The following MNT variants were observed in gnomAD, a reference collection of about 807,000 sequenced individuals.
MNT encodes MAX network transcriptional repressor, also known as max-binding protein MNT.
In MNT, 13 loss-of-function variants were observed where a neutral mutation model predicts 40.7. That is an observed-to-expected ratio of 0.32 (90% CI 0.21 to 0.51). The LOEUF (loss-of-function observed/expected upper bound fraction) is 0.51, where lower values mean the gene tolerates loss of function less well. Among genes scored for constraint, MNT ranks in the 20% least tolerant of loss-of-function variants. The probability of loss-of-function intolerance (pLI) is 0.98; values close to 1 mark genes in which losing one functional copy is unlikely to be tolerated. For missense variants in MNT, 757 were observed against 792.0 expected (o/e 0.96, Z 0.53); for synonymous variants, 426 against 354.8 (o/e 1.20, Z -2.26).
In MNT at chr17:2,387,040, G is replaced by C. The variant is rs1397653719; in HGVS notation, c.1610C>G (p.Pro537Arg). 6.4e-7 allele frequency: 1 copy of C among 1,554,270 alleles called. No individual in the cohort carries two copies. Among genetic ancestry groups the C allele is most frequent in the Non-Finnish European group, 8.7e-7 (1 of 1,148,624 alleles). The change falls in exon 6 of 6, where the codon CCC (proline) becomes CGC (arginine). Residue 537 changes from proline (P) to arginine (R), a missense_variant. This residue lies in a region of MNT where 345 missense variants were observed against 380.1 expected (regional missense o/e 0.91). Coordinates refer to ENST00000174618, the MANE Select transcript of MNT (RefSeq NM_020310.3). The stretch of plus-strand genomic sequence containing the variant: ...CGGCTTTGCCATGACAGTAGCCGGG[G>C]GCCCCAGGCCGGCCGTGCCGTTGAC... ...QQVNGTAGLG[P>R]PATVMAKPAV...
At chr17:2,388,244 G>A in intron 4 of MNT, 195 bp from the exon 5 acceptor site, 1 of 566,614 alleles carries the variant, frequency 1.8e-6, no homozygotes, top group Non-Finnish European at 3.1e-6. Context: ...AGCGTCCCAA[G>A]GAGTGTGGGC....
chr17:2,399,382 C>T (rs1249868316), intron 1 of MNT, among the ~76,000 whole-genome samples: 2 of 152,226 alleles, frequency 1.3e-5, no homozygotes, highest in Non-Finnish European at 2.9e-5. Context: ...CTCATCCTGG[C>T]TCATTCCAGC....
intron 1 of MNT, 167 bp downstream of exon 1, chr17:2,400,472 GC>G: frequency 1.8e-6 from 1 of 555,922 alleles, no homozygotes; most frequent in South Asian, 2.4e-5. Flanking sequence ...TAATTTCACT[GC>G]CCACATCACC....
At chr17:2,396,364 C>CTGACATCCTCAG (rs1487440434) in intron 1 of MNT, 2 of 152,628 alleles carry the variant, frequency 1.3e-5, no homozygotes, top group African/African-American at 2.4e-5. Context: ...AAAGCATCCT[C>CTGACATCCTCAG]TGACATCCTC....
rs760597107 is a variant in MNT at position 2,394,031 on chromosome 17, C to A, written c.807+12G>T. 11 of 1,559,944 alleles carry A rather than the reference C, an allele frequency of 7.1e-6. No individual in the cohort carries two copies. The South Asian group carries it at 1.2e-4, about 17-fold the overall frequency. On this transcript the variant is annotated intron_variant, in intron 4 of 5. Coordinates refer to ENST00000174618, the MANE Select transcript of MNT (RefSeq NM_020310.3). ...GGGGAAGCTGCGCGACGCCGGCCTC[C>A]GGGCCCCATACCTGGATGTACCGCA...
chr17:2,400,794 G>T lies in MNT; in HGVS notation c.-82C>A. Reference sequence around the variant, plus strand: ...CACAGGTCAGGCTGGCGGGCAGGCAGGAGGGAGGGATCACCTCCGGGGGGC... The same window carrying T: ...CACAGGTCAGGCTGGCGGGCAGGCATGAGGGAGGGATCACCTCCGGGGGGC... On this transcript the variant is annotated 5_prime_UTR_variant, in exon 1 of 6. In the 5' UTR this introduces an upstream ATG that the reference lacks. Transcript: ENST00000174618. 8.0e-7 allele frequency: 1 copy of T among 1,250,954 alleles called. No homozygotes were observed. Among genetic ancestry groups the T allele is most frequent in the Non-Finnish European group, 1.1e-6 (1 of 942,202 alleles). The allele number at this position is 1,250,954 out of a possible 1,614,324, so 77.5% of individuals were successfully genotyped here. A position where few individuals can be genotyped will look rare whatever the true frequency, so the allele number is the denominator to read the frequency against.
rs754781122 is a variant in MNT at position 2,387,689 on chromosome 17, G to A, written c.1001-40C>T. 1.5e-5 allele frequency: 24 copies of A among 1,607,842 alleles called. 1 individual carries two copies. The South Asian group carries it at 2.5e-4, about 17-fold the overall frequency. ...GGGCAGGGAGCAGGTCAGAAGGGCG[G>A]GGAAGCAAGTGGCTGGAGGCGTAGA... is the stretch of plus-strand genomic sequence containing the variant. On this transcript the variant is annotated intron_variant, in intron 5 of 5. Transcript: ENST00000174618.
rs1176838733 is a variant in MNT at position 2,387,262 on chromosome 17, C to A, written c.1388G>T (p.Gly463Val). 6.2e-7 allele frequency: 1 copy of A among 1,613,128 alleles called. No homozygotes were observed. The highest frequency in any genetic ancestry group is 2.2e-5 in the East Asian group (1 of 44,828). Residue 463 changes from glycine (G) to valine (V), a missense_variant, in exon 6 of 6, where the codon GGC (glycine) becomes GTC (valine). Around this residue, in one of 4 missense-constraint regions of MNT, gnomAD observed 345 missense variants for 380.1 expected, o/e 0.91. Transcript: ENST00000174618. ...QTVNHVLQGP[G>V]GKHIAHIAPS... ...GGCGATGTGGGCGATGTGCTTGCCG[C>A]CTGGCCCCTGCAGAACGTGGTTCAC... is the stretch of plus-strand genomic sequence containing the variant.
At chr17:2,388,145 G>C in intron 4 of MNT, 96 bp from the exon 5 acceptor site, 1 of 1,250,646 alleles carries the variant, frequency 8.0e-7, no homozygotes, top group South Asian at 1.5e-5. Flanking sequence ...GCCCACAGAG[G>C]CAAGTCCGTG....
At chr17:2,398,380 C>T (rs2066591028) in intron 1 of MNT, among the ~76,000 whole-genome samples, 2 of 152,272 alleles carry the variant, frequency 1.3e-5, no homozygotes, top group African/African-American at 2.4e-5. Flanking sequence ...CCCATGCTTG[C>T]GGTTGAAAGG....
Position 2,386,405 on chromosome 17 carries a change from A to C in MNT, c.*496T>G. 6.4e-6 allele frequency: 1 copy of C among 156,156 alleles called. No individual in the cohort carries two copies. The highest frequency in any genetic ancestry group is 1.4e-5 in the Non-Finnish European group (1 of 70,968). The allele number at this position is 156,156 out of a possible 1,614,324, so 9.7% of individuals were successfully genotyped here. ...CAGAGCAAGGCCCCTTATCACCCCAATCCGCAGCTTTCTGGGCCAAGTGGC... is the reference window on the plus strand; with the variant it reads ...CAGAGCAAGGCCCCTTATCACCCCACTCCGCAGCTTTCTGGGCCAAGTGGC... On this transcript the variant is annotated 3_prime_UTR_variant, in exon 6 of 6. Coordinates refer to ENST00000174618, the MANE Select transcript of MNT (RefSeq NM_020310.3).
In MNT at chr17:2,387,916, C is replaced by A. The variant is rs369150700; in HGVS notation, c.941G>T (p.Arg314Leu). 40 of 1,608,024 alleles carry A rather than the reference C, an allele frequency of 2.5e-5. No individual in the cohort carries two copies. The highest frequency in any genetic ancestry group is 3.2e-5 in the Non-Finnish European group (38 of 1,179,214). ...SQWMDVLEIDRVLRQTGQPED... is the reference protein window; with the variant it reads ...SQWMDVLEIDLVLRQTGQPED... ...GGGCTGGCCCGTCTGCCGCAGCACGCGGTCAATCTCCAGTACGTCCATCCA... is the reference window on the plus strand; with the variant it reads ...GGGCTGGCCCGTCTGCCGCAGCACGAGGTCAATCTCCAGTACGTCCATCCA... Residue 314 changes from arginine (R) to leucine (L), a missense_variant, in exon 5 of 6, where the codon CGC (arginine) becomes CTC (leucine). Physicochemically the swap from Arg to Leu is moderately radical, Grantham distance 102. Coordinates refer to ENST00000174618, the MANE Select transcript of MNT (RefSeq NM_020310.3).
Position 2,395,082 on chromosome 17 carries a change from AG to A in MNT, c.445del (p.Leu149TyrfsTer26). 6.6e-7 allele frequency: 1 copy of A among 1,521,134 alleles called. No individual in the cohort carries two copies. The highest frequency in any genetic ancestry group is 8.8e-7 in the Non-Finnish European group (1 of 1,135,696). 94.2% of individuals were successfully genotyped at this position (1,521,134 alleles called of 1,614,324 possible). A position where few individuals can be genotyped will look rare whatever the true frequency, so the allele number is the denominator to read the frequency against. On this transcript the variant is annotated frameshift_variant, in exon 2 of 6. Transcript: ENST00000174618. LOFTEE classifies it high-confidence loss of function. ...SRPQVPTPAPLLPDSKATIPP... is the reference protein window; with the variant it reads ...SRPQVPTPAPXLPDSKATIPP... ...AATGGTGGCCTTCGAGTCCGGCAGTAGGGGAGCAGGGGTGGGCACCTGCGGC... is the reference window on the plus strand; with the variant it reads ...AATGGTGGCCTTCGAGTCCGGCAGTAGGGAGCAGGGGTGGGCACCTGCGGC...
At chr17:2,399,537 G>C (rs1169358493) in intron 1 of MNT, among the ~76,000 whole-genome samples, 2 of 152,186 alleles carry the variant, frequency 1.3e-5, no homozygotes, top group East Asian at 3.9e-4. Flanking sequence ...GGCCAGAGCC[G>C]ACAGGTGAGC....
chr17:2,394,878 C>T lies in MNT; in HGVS notation c.650G>A (p.Gly217Glu). 6.3e-7 allele frequency: 1 copy of T among 1,576,088 alleles called. No homozygotes were observed. Among genetic ancestry groups the T allele is most frequent in the Non-Finnish European group, 8.6e-7 (1 of 1,161,594 alleles). Residue 217 changes from glycine to glutamate, a missense_variant, in exon 2 of 6, where the codon GGG becomes GAG. By Grantham distance (98) the Gly-to-Glu change is moderately conservative. This residue lies in a region of MNT where 335 missense variants were observed against 291.4 expected (regional missense o/e 1.15). Coordinates refer to ENST00000174618, the MANE Select transcript of MNT (RefSeq NM_020310.3). ...VKSSEQKKRP[G>E]GIGTREVHNK... ...GACCCCGCCACACCCCACTCACCCC[C>T]CGGGCCTCTTCTTCTGTTCACTGGA... is the stretch of plus-strand genomic sequence containing the variant.
chr17:2,387,219 A>G lies in MNT; in HGVS notation c.1431T>C (p.Pro477=), dbSNP rs778054036. Residue 477 remains proline, a synonymous_variant, in exon 6 of 6, where the codon CCT becomes CCC. Coordinates refer to ENST00000174618, the MANE Select transcript of MNT (RefSeq NM_020310.3). ...IAHIAPSAPS[P]AVQLAPATPP... is the part of the protein sequence containing the mutation. ...GTGTGGCAGGCGCCAGTTGCACCGC[A>G]GGGCTGGGGGCCGAGGGGGCGATGT... 6.2e-7 allele frequency: 1 copy of G among 1,610,526 alleles called. No homozygotes were observed. The highest frequency in any genetic ancestry group is 8.5e-7 in the Non-Finnish European group (1 of 1,178,902).
At chr17:2,398,896 G>C (rs2066595024) in intron 1 of MNT, among the ~76,000 whole-genome samples, 1 of 152,074 alleles carries the variant, frequency 6.6e-6, no homozygotes, top group African/African-American at 2.4e-5. Flanking sequence ...GCAAAACCCA[G>C]GCATCTGAGC....
At chr17:2,392,688 G>T (rs1316352987) in intron 4 of MNT, 1 of 151,986 alleles carries the variant, frequency 6.6e-6, no homozygotes, top group African/African-American at 2.4e-5. Context: ...CCACCCCGAA[G>T]CACGCGCGCA....
rs1169529160 is a variant in MNT, at chr17:2,394,298, C to CACACACACACACACCT, written c.695+6_695+7insAGGTGTGTGTGTGTGT. The CACACACACACACACCT allele has an allele frequency of 1.9e-6, 3 of 1,613,338 alleles. No individual in the cohort carries two copies. Among genetic ancestry groups the CACACACACACACACCT allele is most frequent in the South Asian group, 2.2e-5 (2 of 91,038 alleles). ...GCACGCACACACACACACACACACACACACACCTGTTCTTCTCCAATTTGT... is the reference window on the plus strand; with the variant it reads ...GCACGCACACACACACACACACACACACACACACACACACCTACACACCTGTTCTTCTCCAATTTGT... On this transcript the variant is annotated splice_region_variant and intron_variant, in intron 3 of 5. Transcript: ENST00000174618.
Sources: allele counts gnomAD v4.1 joint callset (sites outside exome capture counted in the v4.1 genomes callset), GRCh38; gene constraint gnomAD v4.1.1; regional missense constraint gnomAD v4.1.1; transcripts MANE v1.5; gene names NCBI Gene and HGNC (gene_info 2026-07-23, HGNC 2026-07-21).